The following PIGX variants were observed in gnomAD, a reference collection of about 807,000 sequenced individuals.
The protein encoded by PIGX is phosphatidylinositol glycan anchor biosynthesis class X, also known as GPI alpha-1,4-mannosyltransferase I, stabilizing subunit.
Under a neutral mutation model 28.7 loss-of-function variants are expected in PIGX, and 24 were observed. The observed-to-expected ratio is 0.84, with a 90% CI of 0.60 to 1.17. The LOEUF is 1.17. Among genes scored for constraint, PIGX ranks in the 50% most tolerant of loss-of-function variants. PIGX has a pLI of 0.00. For missense variants in PIGX, 305 were observed against 317.8 expected (o/e 0.96, Z 0.31); for synonymous variants, 127 against 121.0 (o/e 1.05, Z -0.33).
intron 5 of PIGX, among the ~76,000 whole-genome samples, chr3:196,732,318 G>A (rs1208255767): frequency 8.1e-6 from 1 of 123,218 alleles, no homozygotes; most frequent in African/African-American, 3.1e-5. Flanking sequence ...GTCTCGCTCT[G>A]TTGCCCAGGC....
At chr3:196,712,969 A>G (rs958705483) in intron 1 of PIGX, 7 of 1,000,636 alleles carry the variant, frequency 7.0e-6, no homozygotes, top group African/African-American at 1.7e-5. Flanking sequence ...CTGATCACCA[A>G]GGGGCCAGGC....
chr3:196,725,225 A>G (rs986252590), intron 3 of PIGX, among the ~76,000 whole-genome samples: 7 of 152,190 alleles, frequency 4.6e-5, no homozygotes, highest in African/African-American at 1.7e-4. Context: ...TGAAACCATA[A>G]GTTTTACTCA....
intron 3 of PIGX, chr3:196,726,537 T>C (rs984336981): frequency 1.7e-5 from 6 of 348,216 alleles, no homozygotes; most frequent in Non-Finnish European, 2.9e-5. Context: ...AAGTTTTGCC[T>C]AAAGAAGGTA....
intron 2 of PIGX, among the ~76,000 whole-genome samples, chr3:196,720,343 C>T (rs1712275299): frequency 6.6e-6 from 1 of 152,232 alleles, no homozygotes; most frequent in African/African-American, 2.4e-5. Flanking sequence ...ATGATGTTCT[C>T]ACAGTTCCTT....
chr3:196,712,418 G>A lies in PIGX; in HGVS notation c.-115G>A, dbSNP rs1041797133. On this transcript the variant is annotated 5_prime_UTR_variant, in exon 1 of 6. Coordinates refer to ENST00000392391, the MANE Select transcript of PIGX (RefSeq NM_017861.4). ...CGCTAGGCGCGCGCACCCAGCACTC[G>A]GTCCCAGCCGATAAATCTGGGGCAG... 7.3e-6 allele frequency: 3 copies of A among 411,804 alleles called. No homozygotes were observed. The highest frequency in any genetic ancestry group is 5.3e-5 in the Admixed American group (1 of 18,694). The allele number at this position is 411,804 out of a possible 1,614,324, so 25.5% of individuals were successfully genotyped here.
chr3:196,724,182 T>C (rs1712434887), intron 3 of PIGX, among the ~76,000 whole-genome samples: 1 of 152,032 alleles, frequency 6.6e-6, no homozygotes, highest in South Asian at 2.1e-4. Flanking sequence ...GCCTGGCTAA[T>C]TTTTGTATTT....
At chr3:196,724,598 A>G (rs1286571184) in intron 3 of PIGX, among the ~76,000 whole-genome samples, 3 of 152,204 alleles carry the variant, frequency 2.0e-5, no homozygotes, top group Non-Finnish European at 4.4e-5. Flanking sequence ...TTATAGATTG[A>G]TTAACAAGTT....
intron 4 of PIGX, among the ~76,000 whole-genome samples, chr3:196,728,525 A>G (rs1486971617): frequency 6.6e-6 from 1 of 151,912 alleles, no homozygotes; most frequent in Non-Finnish European, 1.5e-5. Flanking sequence ...TCCATTTATA[A>G]AAATCTATTA....
At chr3:196,719,594 C>T (rs1712232357) in intron 2 of PIGX, among the ~76,000 whole-genome samples, 1 of 152,146 alleles carries the variant, frequency 6.6e-6, no homozygotes, top group African/African-American at 2.4e-5. Flanking sequence ...TAATTTTATT[C>T]CATGTCACAG....
At chr3:196,719,340 AT>A (rs1425707658) in intron 2 of PIGX, among the ~76,000 whole-genome samples, 1 of 149,944 alleles carries the variant, frequency 6.7e-6, no homozygotes, top group Non-Finnish European at 1.5e-5. Context: ...TTATTTTTTT[AT>A]TATTATACTT....
chr3:196,735,875 T>G lies in PIGX; in HGVS notation c.*1973T>G, dbSNP rs1296658496. 1 of 152,174 alleles carries G rather than the reference T, an allele frequency of 6.6e-6. No individual in the cohort carries two copies. The highest frequency in any genetic ancestry group is 1.5e-5 in the Non-Finnish European group (1 of 68,044). 9.4% of individuals were successfully genotyped at this position (152,174 alleles called of 1,614,324 possible). A position where few individuals can be genotyped will look rare whatever the true frequency, so the allele number is the denominator to read the frequency against. ...GTGGGGGTATGTGTATACAGAATGT[T>G]TTTGTTTTTGCTCATCACAACCAGG... On this transcript the variant is annotated 3_prime_UTR_variant, in exon 6 of 6. Coordinates refer to ENST00000392391, the MANE Select transcript of PIGX (RefSeq NM_017861.4).
At chr3:196,722,978 C>T (rs957979285) in intron 3 of PIGX, among the ~76,000 whole-genome samples, 2 of 152,150 alleles carry the variant, frequency 1.3e-5, no homozygotes, top group Admixed American at 1.3e-4. Flanking sequence ...AAAGAAAGAT[C>T]GTGTCCTGCA....
At chr3:196,727,181 C>T (rs186443365) in intron 3 of PIGX, among the ~76,000 whole-genome samples, 4 of 152,030 alleles carry the variant, frequency 2.6e-5, no homozygotes, top group East Asian at 1.9e-4. Flanking sequence ...ACACATAGGT[C>T]GCGTATATAA....
intron 2 of PIGX, among the ~76,000 whole-genome samples, chr3:196,718,687 G>C (rs1234249120): frequency 6.6e-6 from 1 of 152,242 alleles, no homozygotes; most frequent in East Asian, 1.9e-4. Context: ...CTGTTGTGAT[G>C]CCTTATTCTG....
chr3:196,733,973 T>C lies in PIGX; in HGVS notation c.*71T>C, dbSNP rs1712919462. On this transcript the variant is annotated 3_prime_UTR_variant, in exon 6 of 6. Transcript: ENST00000392391. The surrounding 1 kb of genome is among the most constrained non-coding windows in gnomAD (Gnocchi z 4.3). ...TAATTTCTGACGAGAGGTGTTCTTC[T>C]AGAATTAATTACTTTTATCTTTTGT... The C allele has an allele frequency of 2.1e-6, 2 of 952,278 alleles. No individual in the cohort carries two copies. The highest frequency in any genetic ancestry group is 2.1e-5 in the Admixed American group (1 of 48,276). 59.0% of individuals were successfully genotyped at this position (952,278 alleles called of 1,614,324 possible). A position where few individuals can be genotyped will look rare whatever the true frequency, so the allele number is the denominator to read the frequency against.
chr3:196,715,662 T>C (rs1329427311), intron 1 of PIGX, among the ~76,000 whole-genome samples: 1 of 152,194 alleles, frequency 6.6e-6, no homozygotes, highest in East Asian at 1.9e-4. Flanking sequence ...GTAAATAATA[T>C]ATAGTTTTCT....
At chr3:196,721,225 A>T in intron 2 of PIGX, 1 of 364,884 alleles carries the variant, frequency 2.7e-6, no homozygotes, top group Non-Finnish European at 5.3e-6. Context: ...TTTAAAGGCC[A>T]TGGAGGCGGT....
At chr3:196,721,762 C>CT (rs1306923023) in intron 2 of PIGX, among the ~76,000 whole-genome samples, 7 of 147,862 alleles carry the variant, frequency 4.7e-5, no homozygotes, top group Non-Finnish European at 1.0e-4. Context: ...TTTCTTTTTT[C>CT]TTTTTTTTTA....
At chr3:196,721,478 C>T (rs1477365483) in intron 2 of PIGX, 1 of 159,732 alleles carries the variant, frequency 6.3e-6, no homozygotes. Flanking sequence ...CTCTGTCCTC[C>T]AAGCTGGAAT....
Sources: gnomAD v4.1 joint callset for allele counts (sites outside exome capture counted in the v4.1 genomes callset) on GRCh38, gnomAD v4.1.1 for gene constraint, Gnocchi (gnomAD v3.1) non-coding constraint, MANE v1.5 for transcripts, NCBI Gene and HGNC (gene_info 2026-07-23, HGNC 2026-07-21) for gene names.